SPAG16: variants seen among roughly 807,000 people sequenced by gnomAD.
SPAG16 encodes the protein sperm-associated antigen 16 protein.
Under a neutral mutation model 80.4 loss-of-function variants are expected in SPAG16, and 86 were observed. That is an observed-to-expected ratio of 1.07 (90% CI 0.90 to 1.28). The LOEUF (loss-of-function observed/expected upper bound fraction) is 1.28. Ranked by LOEUF, SPAG16 falls within the 50% of genes most tolerant of loss-of-function variation. SPAG16 has a pLI of 0.00. For synonymous variants in SPAG16, 294 were observed against 265.9 expected (o/e 1.11, Z -1.03); for missense variants, 870 against 765.3 (o/e 1.14, Z -1.61).
chr2:213,425,347 A>G (rs1051475410), intron 9 of SPAG16, among the ~76,000 whole-genome samples: 34 of 149,796 alleles, frequency 2.3e-4, no homozygotes, highest in Admixed American at 2.0e-4. Flanking sequence ...GCAATACTAC[A>G]TTAGTGCATA....
intron 15 of SPAG16, among the ~76,000 whole-genome samples, chr2:214,298,365 TATC>T (rs1387148997): frequency 6.6e-6 from 1 of 152,084 alleles, no homozygotes; most frequent in Admixed American, 6.6e-5. Flanking sequence ...CTAGGTATAA[TATC>T]ATGTCAGCAG....
intron 9 of SPAG16, among the ~76,000 whole-genome samples, chr2:213,468,531 A>G (rs1031646688): frequency 4.4e-5 from 6 of 135,934 alleles, no homozygotes; most frequent in Non-Finnish European, 9.3e-5. Context: ...GTATTTATAT[A>G]TAGATATATA....
chr2:213,924,532 G>A (rs1377357234), intron 11 of SPAG16, among the ~76,000 whole-genome samples: 1 of 152,158 alleles, frequency 6.6e-6, no homozygotes, highest in Non-Finnish European at 1.5e-5. Context: ...TAGCCTTTTA[G>A]TTCCTCTCTG....
intron 9 of SPAG16, among the ~76,000 whole-genome samples, chr2:213,485,977 G>T (rs6757177): frequency 0.085 from 12,954 of 152,004 alleles, 1,593 homozygotes; most frequent in African/African-American, 0.27. Context: ...ATTTTTAATT[G>T]TTTTCAGGGT....
chr2:214,108,283 A>C, intron 14 of SPAG16, 22 bp downstream of exon 14: 1 of 1,572,672 alleles, frequency 6.4e-7, no homozygotes, highest in South Asian at 1.1e-5. Context: ...TCTCCCAGTA[A>C]ACTGTTTTTA....
chr2:214,023,925 T>C (rs1024172202), intron 13 of SPAG16, among the ~76,000 whole-genome samples: 2 of 151,722 alleles, frequency 1.3e-5, no homozygotes, highest in Non-Finnish European at 3.0e-5. Context: ...AATGACTATG[T>C]CCATTGAAAA....
Position 213,909,750 on chromosome 2 carries a change from G to A in SPAG16, c.1215-20210G>A, listed in dbSNP as rs192386164. On this transcript the variant is annotated intron_variant, in intron 11 of 15. Coordinates refer to ENST00000331683, the MANE Select transcript of SPAG16 (RefSeq NM_024532.5). ...TTCAAGATGGATTAAAGACTTAAAC[G>A]TTAGACCAAGATCATTCTTGATGTG... 7.2e-4 allele frequency among the ~76,000 whole-genome samples: 110 copies of A among 152,264 alleles called. 1 individual carries two copies. The highest frequency in any genetic ancestry group is 1.4e-3 in the Non-Finnish European group (96 of 68,008).
At chr2:214,182,179 A>C (rs1291262946) in intron 15 of SPAG16, among the ~76,000 whole-genome samples, 2 of 151,684 alleles carry the variant, frequency 1.3e-5, no homozygotes, top group Non-Finnish European at 2.9e-5. Flanking sequence ...TATATAACAA[A>C]AGAAGGGAAA....
chr2:214,008,019 T>C (rs1280718252), intron 12 of SPAG16, among the ~76,000 whole-genome samples: 1 of 152,156 alleles, frequency 6.6e-6, no homozygotes, highest in Non-Finnish European at 1.5e-5. Context: ...ATGTTAGACC[T>C]TGTAATATTT....
chr2:213,877,537 A>C (rs1381787967), intron 11 of SPAG16, among the ~76,000 whole-genome samples: 3 of 152,018 alleles, frequency 2.0e-5, no homozygotes, highest in Non-Finnish European at 4.4e-5. Flanking sequence ...CTAATCCCAA[A>C]CTCTTGAGTT....
At chr2:214,209,924 A>T in intron 15 of SPAG16, among the ~76,000 whole-genome samples, 1 of 152,150 alleles carries the variant, frequency 6.6e-6, no homozygotes, top group Non-Finnish European at 1.5e-5. Flanking sequence ...AGTGTTTGTC[A>T]TATGACCTTT....
intron 15 of SPAG16, among the ~76,000 whole-genome samples, chr2:214,170,271 G>A (rs1452169956): frequency 9.4e-6 from 1 of 106,612 alleles, no homozygotes; most frequent in Non-Finnish European, 2.5e-5. Flanking sequence ...CACACACTTA[G>A]GTGTGCGTAC....
intron 10 of SPAG16, among the ~76,000 whole-genome samples, chr2:213,586,130 A>G (rs2060464544): frequency 1.3e-5 from 2 of 152,236 alleles, no homozygotes; most frequent in African/African-American, 4.8e-5. Context: ...TACCCCTAGA[A>G]TAGTTTTCGG....
rs150372468 is a variant in SPAG16, at chr2:213,913,563, G to C, written c.1215-16397G>C. Among the ~76,000 whole-genome samples the C allele has an allele frequency of 2.7e-3, 329 of 123,532 alleles. 2 individuals are homozygous for C. The highest frequency in any genetic ancestry group is 6.5e-3 in the African/African-American group (226 of 34,758). 81.0% of individuals were successfully genotyped at this position (123,532 alleles called of 152,430 possible). Reference sequence around the variant, plus strand: ...ACATATGTATTGTGTGTATCTCTCTGTGTGTGTATATATATGTACATGTAC... The same window carrying C: ...ACATATGTATTGTGTGTATCTCTCTCTGTGTGTATATATATGTACATGTAC... On this transcript the variant is annotated intron_variant, in intron 11 of 15. Transcript: ENST00000331683.
chr2:213,549,318 A>G (rs1259028839), intron 10 of SPAG16, among the ~76,000 whole-genome samples: 1 of 152,020 alleles, frequency 6.6e-6, no homozygotes, highest in Non-Finnish European at 1.5e-5. Context: ...ATTTTATTTG[A>G]TGCATTATTA....
chr2:214,343,215 A>T (rs1390597870), intron 15 of SPAG16, among the ~76,000 whole-genome samples: 2 of 152,206 alleles, frequency 1.3e-5, no homozygotes, highest in South Asian at 4.1e-4. Context: ...CATCTTATAT[A>T]TGGAGGAATT....
chr2:213,468,431 A>C (rs980546519), intron 9 of SPAG16, among the ~76,000 whole-genome samples: 54 of 142,334 alleles, frequency 3.8e-4, no homozygotes, highest in African/African-American at 9.3e-4. Context: ...ATATATATAT[A>C]TCTATGTATT....
At chr2:214,336,707 T>TA (rs2126021987) in intron 15 of SPAG16, among the ~76,000 whole-genome samples, 1 of 151,942 alleles carries the variant, frequency 6.6e-6, no homozygotes, top group East Asian at 2.0e-4. Flanking sequence ...AGGTGAGAGT[T>TA]ACAGTTTGAG....
At chr2:214,016,110 AT>A (rs2047579054) in intron 13 of SPAG16, among the ~76,000 whole-genome samples, 1 of 152,044 alleles carries the variant, frequency 6.6e-6, no homozygotes, top group African/African-American at 2.4e-5. Context: ...ACAGAACTGG[AT>A]TACTGGTAGG....
Sources: allele counts gnomAD v4.1 joint callset (sites outside exome capture counted in the v4.1 genomes callset), GRCh38; gene constraint gnomAD v4.1.1; transcripts MANE v1.5; gene names NCBI Gene and HGNC (gene_info 2026-07-23, HGNC 2026-07-21).